IMMP2L: variants seen among roughly 807,000 people sequenced by gnomAD.
The protein encoded by IMMP2L is mitochondrial inner membrane protease subunit 2.
Under a neutral mutation model 19.3 loss-of-function variants are expected in IMMP2L, and 18 were observed. The observed-to-expected ratio is 0.93, with a 90% CI of 0.64 to 1.38. The LOEUF (loss-of-function observed/expected upper bound fraction) is 1.38, where lower values mean the gene tolerates loss of function less well. Ranked by LOEUF, IMMP2L falls within the 40% of genes most tolerant of loss-of-function variation. The probability of loss-of-function intolerance (pLI) is 0.00; values close to 1 mark genes in which losing one functional copy is unlikely to be tolerated. For missense variants in IMMP2L, 233 were observed against 218.2 expected, an observed-to-expected ratio of 1.07 and a Z score of -0.43; for synonymous variants, 76 against 73.0, an observed-to-expected ratio of 1.04 and a Z score of -0.21.
intron 1 of IMMP2L, among the ~76,000 whole-genome samples, chr7:111,554,737 C>T (rs1791069420): frequency 6.6e-6 from 1 of 152,034 alleles, no homozygotes; most frequent in South Asian, 2.1e-4. Flanking sequence ...ATTCTCCTGC[C>T]TCAGCCTCTG....
intron 2 of IMMP2L, among the ~76,000 whole-genome samples, chr7:111,500,830 C>A (rs1001178906): frequency 6.6e-6 from 1 of 152,078 alleles, no homozygotes; most frequent in African/African-American, 2.4e-5. Flanking sequence ...TGTACGTCAC[C>A]ATCATCAAAG....
intron 4 of IMMP2L, among the ~76,000 whole-genome samples, chr7:110,915,886 T>C (rs1459525492): frequency 6.6e-6 from 1 of 152,224 alleles, no homozygotes; most frequent in Middle Eastern, 3.2e-3. Context: ...AGACTATTTG[T>C]GAAAATCATG....
chr7:110,765,433 C>A lies in IMMP2L; in HGVS notation c.409-101712G>T, dbSNP rs187592612. Among the ~76,000 whole-genome samples the A allele has an allele frequency of 1.9e-3, 283 of 152,100 alleles. 1 individual carries two copies. The highest frequency in any genetic ancestry group is 3.2e-3 in the Non-Finnish European group (216 of 67,984). On this transcript the variant is annotated intron_variant, in intron 5 of 5. Transcript: ENST00000405709. ...AAGTTATCATGACTCTCAAGATATG[C>A]CCATTAAATATCATATTGGGGGGAC...
At chr7:110,911,075 T>A (rs758936768) in intron 4 of IMMP2L, among the ~76,000 whole-genome samples, 4 of 152,166 alleles carry the variant, frequency 2.6e-5, no homozygotes, top group Non-Finnish European at 5.9e-5. Flanking sequence ...CACATATATG[T>A]ATGTATATAA....
intron 3 of IMMP2L, among the ~76,000 whole-genome samples, chr7:111,016,507 G>A (rs1360103241): frequency 8.6e-6 from 1 of 115,770 alleles, no homozygotes; most frequent in Non-Finnish European, 1.7e-5. Flanking sequence ...TATATTTTAT[G>A]TATTTTATAT....
chr7:111,475,104 CA>C (rs1293128334), intron 3 of IMMP2L, among the ~76,000 whole-genome samples: 1 of 152,074 alleles, frequency 6.6e-6, no homozygotes, highest in Non-Finnish European at 1.5e-5. Flanking sequence ...AACATCCATA[CA>C]ATTTTTAATA....
intron 1 of IMMP2L, among the ~76,000 whole-genome samples, chr7:111,561,195 C>T (rs1437098470): frequency 6.6e-6 from 1 of 152,102 alleles, no homozygotes; most frequent in African/African-American, 2.4e-5. Flanking sequence ...TCACAGTAAG[C>T]CTCAGAGAAC....
intron 1 of IMMP2L, among the ~76,000 whole-genome samples, chr7:111,540,568 C>A (rs1848422916): frequency 6.6e-6 from 1 of 152,140 alleles, no homozygotes; most frequent in Non-Finnish European, 1.5e-5. Flanking sequence ...ACAAGGCCCT[C>A]TTCCACTTCC....
rs768499387 is a variant in IMMP2L, at chr7:110,770,794, C to T, written c.409-107073G>A. Among the ~76,000 whole-genome samples, 13 of 152,180 alleles carry T rather than the reference C, an allele frequency of 8.5e-5. No homozygotes were observed. The South Asian group carries it at 1.7e-3, about 19-fold the overall frequency. ...TTAGGCGGATATAGCGCTCCTGGGACGTCTGACCTTCTATGACATTCTAGG... is the reference window on the plus strand; with the variant it reads ...TTAGGCGGATATAGCGCTCCTGGGATGTCTGACCTTCTATGACATTCTAGG... On this transcript the variant is annotated intron_variant, in intron 5 of 5. Coordinates refer to ENST00000405709, the MANE Select transcript of IMMP2L (RefSeq NM_032549.4).
intron 3 of IMMP2L, among the ~76,000 whole-genome samples, chr7:110,971,006 T>A (rs1399364842): frequency 6.6e-6 from 1 of 152,154 alleles, no homozygotes; most frequent in Admixed American, 6.6e-5. Context: ...GCTATTTGTA[T>A]TTTCTATATC....
intron 3 of IMMP2L, among the ~76,000 whole-genome samples, chr7:111,219,265 G>T (rs552690255): frequency 6.6e-6 from 1 of 152,006 alleles, no homozygotes; most frequent in African/African-American, 2.4e-5. Context: ...ATACAGTAAA[G>T]TCATAACTTT....
intron 2 of IMMP2L, among the ~76,000 whole-genome samples, chr7:111,517,640 C>T (rs527784679): frequency 2.0e-5 from 3 of 152,208 alleles, no homozygotes; most frequent in South Asian, 4.1e-4. Context: ...CCCTTTTACG[C>T]TAAAAGCCTC....
chr7:111,124,787 C>T (rs569801545), intron 3 of IMMP2L: 31 of 1,613,442 alleles, frequency 1.9e-5, no homozygotes, highest in Non-Finnish European at 2.4e-5. Flanking sequence ...CCAACCTTTG[C>T]ATTAGGTGAG....
intron 3 of IMMP2L, among the ~76,000 whole-genome samples, chr7:111,437,608 T>C (rs1218359684): frequency 6.6e-6 from 1 of 151,968 alleles, no homozygotes; most frequent in African/African-American, 2.4e-5. Context: ...TAAAAGATTT[T>C]ATTTTTTAAA....
chr7:111,079,971 T>G (rs1243041067), intron 3 of IMMP2L, among the ~76,000 whole-genome samples: 1 of 152,082 alleles, frequency 6.6e-6, no homozygotes, highest in Non-Finnish European at 1.5e-5. Flanking sequence ...ATAAGGTCCT[T>G]ATTAGATGCA....
At chr7:111,252,886 A>G (rs978365037) in intron 3 of IMMP2L, among the ~76,000 whole-genome samples, 1 of 152,128 alleles carries the variant, frequency 6.6e-6, no homozygotes, top group Admixed American at 6.6e-5. Context: ...TGGTTCCAAA[A>G]CTGACAATGT....
At chr7:111,171,319 T>G (rs1806424431) in intron 3 of IMMP2L, among the ~76,000 whole-genome samples, 1 of 151,692 alleles carries the variant, frequency 6.6e-6, no homozygotes, top group South Asian at 2.1e-4. Flanking sequence ...TGTACTACAT[T>G]GAAATTATTA....
chr7:110,814,203 C>G (rs1802269493), intron 5 of IMMP2L, among the ~76,000 whole-genome samples: 1 of 151,926 alleles, frequency 6.6e-6, no homozygotes, highest in Non-Finnish European at 1.5e-5. Flanking sequence ...CCCAGTTTTC[C>G]TCTCTGGAGA....
At chr7:111,331,777 T>A (rs938251858) in intron 3 of IMMP2L, among the ~76,000 whole-genome samples, 4 of 151,666 alleles carry the variant, frequency 2.6e-5, no homozygotes, top group African/African-American at 9.7e-5. Flanking sequence ...TAAAGGGAAA[T>A]CCAAGGATTT....
Sources: gnomAD v4.1 joint callset for allele counts (sites outside exome capture counted in the v4.1 genomes callset) on GRCh38, gnomAD v4.1.1 for gene constraint, MANE v1.5 for transcripts, NCBI Gene and HGNC (gene_info 2026-07-23, HGNC 2026-07-21) for gene names.